The following SHTN1 variants were observed in gnomAD, a reference collection of about 807,000 sequenced individuals.
SHTN1 encodes shootin-1.
Under a neutral mutation model 83.1 loss-of-function variants are expected in SHTN1, and 42 were observed. That is an observed-to-expected ratio of 0.51 (90% CI 0.39 to 0.65). The LOEUF (loss-of-function observed/expected upper bound fraction) is 0.65. SHTN1 is among the 30% of genes least tolerant of loss of function. SHTN1 has a pLI of 0.00. For missense variants in SHTN1, 622 were observed against 737.8 expected, an observed-to-expected ratio of 0.84 and a Z score of 1.82; for synonymous variants, 224 against 247.7, an observed-to-expected ratio of 0.90 and a Z score of 0.90.
chr10:117,025,546 G>A (rs1852322776), intron 2 of SHTN1, among the ~76,000 whole-genome samples: 1 of 152,024 alleles, frequency 6.6e-6, no homozygotes, highest in South Asian at 2.1e-4. Flanking sequence ...AGGGGTTGAG[G>A]GACACACAAC....
intron 13 of SHTN1, among the ~76,000 whole-genome samples, chr10:116,912,609 C>T (rs1199800949): frequency 6.6e-6 from 1 of 152,098 alleles, no homozygotes; most frequent in Non-Finnish European, 1.5e-5. Context: ...CCTCACAATA[C>T]CTAACGATCT....
At chr10:117,118,250 T>C (rs1347005269) in intron 1 of SHTN1, among the ~76,000 whole-genome samples, 2 of 150,400 alleles carry the variant, frequency 1.3e-5, no homozygotes, top group Non-Finnish European at 2.9e-5. Context: ...AAGATCTGAA[T>C]AGACAGTTCT....
intron 1 of SHTN1, among the ~76,000 whole-genome samples, chr10:116,990,982 C>G (rs1851409182): frequency 6.6e-6 from 1 of 151,980 alleles, no homozygotes; most frequent in South Asian, 2.1e-4. Flanking sequence ...GTCAGGAGAT[C>G]GAGACCATCC....
chr10:116,897,616 A>C (rs1039329910), intron 16 of SHTN1, among the ~76,000 whole-genome samples: 2 of 152,236 alleles, frequency 1.3e-5, no homozygotes, highest in Non-Finnish European at 1.5e-5. Flanking sequence ...TTGTAAGATA[A>C]GATAGGAAAG....
intron 2 of SHTN1, among the ~76,000 whole-genome samples, chr10:117,040,142 A>G (rs1852562924): frequency 6.6e-6 from 1 of 152,208 alleles, no homozygotes; most frequent in Admixed American, 6.5e-5. Flanking sequence ...TACAGCTTAA[A>G]TCAAAATCCC....
intron 1 of SHTN1, among the ~76,000 whole-genome samples, chr10:117,063,597 A>G (rs1314473411): frequency 6.6e-6 from 1 of 152,138 alleles, no homozygotes; most frequent in Non-Finnish European, 1.5e-5. Context: ...CTTAATTGAT[A>G]TAGCTTCCTA....
chr10:116,900,067 A>C (rs968624531), intron 16 of SHTN1, among the ~76,000 whole-genome samples: 3 of 152,250 alleles, frequency 2.0e-5, no homozygotes, highest in African/African-American at 4.8e-5. Flanking sequence ...TCTCAGATTC[A>C]ATCTGGATAG....
chr10:116,989,677 C>T (rs182360009), intron 1 of SHTN1, among the ~76,000 whole-genome samples: 165 of 152,284 alleles, frequency 1.1e-3, no homozygotes, highest in African/African-American at 3.9e-3. Flanking sequence ...CCACATTTTC[C>T]CACCCTTGGA....
At chr10:117,052,587 C>T (rs941354302) in intron 1 of SHTN1, among the ~76,000 whole-genome samples, 4 of 151,910 alleles carry the variant, frequency 2.6e-5, no homozygotes, top group Non-Finnish European at 2.9e-5. Context: ...ATATATAGAT[C>T]GATGGAATAG....
At chr10:117,039,576 C>T (rs905332795) in intron 2 of SHTN1, among the ~76,000 whole-genome samples, 2 of 152,032 alleles carry the variant, frequency 1.3e-5, no homozygotes, top group East Asian at 3.9e-4. Context: ...GAATCTCGGC[C>T]GGGCGCAGTG....
At chr10:117,067,576 C>G (rs555393009) in intron 1 of SHTN1, among the ~76,000 whole-genome samples, 9 of 151,846 alleles carry the variant, frequency 5.9e-5, no homozygotes, top group African/African-American at 2.2e-4. Context: ...GCCTGGGCAA[C>G]AGAGCAAAAC....
chr10:117,064,504 A>G (rs7093171), intron 1 of SHTN1, among the ~76,000 whole-genome samples: 104,236 of 151,824 alleles, frequency 0.69, 38,067 homozygotes, highest in Middle Eastern at 0.84. Context: ...AAATACAAAA[A>G]ATTAGCTGGG....
chr10:117,091,770 T>A (rs748760993), intron 1 of SHTN1, among the ~76,000 whole-genome samples: 2 of 152,192 alleles, frequency 1.3e-5, no homozygotes, highest in Non-Finnish European at 2.9e-5. Flanking sequence ...GACTGCCTCA[T>A]CCATCAAGAC....
chr10:116,915,785 C>T (rs967314156), intron 12 of SHTN1, among the ~76,000 whole-genome samples: 3 of 152,156 alleles, frequency 2.0e-5, no homozygotes, highest in African/African-American at 7.2e-5. Context: ...CACATTTCTC[C>T]AGGTCTTTAA....
At position 117,124,100 on chromosome 10, in the gene SHTN1, A is replaced by C. The variant is rs11197903; in HGVS notation, c.-189+2207T>G. Among the ~76,000 whole-genome samples the C allele has an allele frequency of 2.4e-4, 37 of 151,662 alleles. No homozygotes were observed. The East Asian group carries it at 3.7e-3, about 15-fold the overall frequency. On this transcript the variant is annotated intron_variant, in intron 1 of 17. Coordinates refer to the SHTN1 transcript ENST00000392901. ...GTGGTGCATGCCTGCAGTCCCAGCTACTCAGGAGGCTGAGGTGGGAGGGTC... is the reference window on the plus strand; with the variant it reads ...GTGGTGCATGCCTGCAGTCCCAGCTCCTCAGGAGGCTGAGGTGGGAGGGTC...
At chr10:117,041,274 A>G (rs1318686991) in intron 2 of SHTN1, among the ~76,000 whole-genome samples, 3 of 152,140 alleles carry the variant, frequency 2.0e-5, no homozygotes, top group East Asian at 1.9e-4. Context: ...TATTTTCCCA[A>G]TCTAAGTATA....
chr10:116,924,069 G>A (rs546292841), intron 11 of SHTN1, among the ~76,000 whole-genome samples: 35 of 152,174 alleles, frequency 2.3e-4, no homozygotes, highest in African/African-American at 7.9e-4. Context: ...TCTCTTCTTT[G>A]GGCTTGCAAT....
chr10:117,063,150 A>T (rs1279054264), intron 1 of SHTN1, among the ~76,000 whole-genome samples: 1 of 152,120 alleles, frequency 6.6e-6, no homozygotes, highest in Non-Finnish European at 1.5e-5. Flanking sequence ...ATTGTCTCCC[A>T]TTCCTACATT....
chr10:117,082,514 T>C (rs1027445886), intron 1 of SHTN1, among the ~76,000 whole-genome samples: 1 of 151,944 alleles, frequency 6.6e-6, no homozygotes, highest in Non-Finnish European at 1.5e-5. Flanking sequence ...TATACTCTGT[T>C]GATTTGGGGT....
Sources: allele counts gnomAD v4.1 joint callset (sites outside exome capture counted in the v4.1 genomes callset), GRCh38; gene constraint gnomAD v4.1.1; transcripts MANE v1.5; gene names NCBI Gene and HGNC (gene_info 2026-07-23, HGNC 2026-07-21).